The following SENP7 variants were observed in gnomAD, a reference collection of about 807,000 sequenced individuals.
SENP7 encodes the protein sentrin-specific protease 7.
SENP7 carries 64 observed loss-of-function variants against 141.2 expected under a neutral mutation model. The observed-to-expected ratio is 0.45, with a 90% CI of 0.37 to 0.56. SENP7 has a LOEUF of 0.56. Among genes scored for constraint, SENP7 ranks in the 20% least tolerant of loss-of-function variants. The pLI is 0.00. For synonymous variants in SENP7, 382 were observed against 426.4 expected (o/e 0.90, Z 1.28); for missense variants, 1,025 against 1,212.2 (o/e 0.85, Z 2.29).
At chr3:101,502,075 T>C (rs2065404146) in intron 1 of SENP7, among the ~76,000 whole-genome samples, 1 of 152,150 alleles carries the variant, frequency 6.6e-6, no homozygotes, top group Non-Finnish European at 1.5e-5. Context: ...AGGCAAAGAT[T>C]TTTCAAAGAG....
intron 3 of SENP7, among the ~76,000 whole-genome samples, chr3:101,492,202 G>T (rs1448776396): frequency 6.6e-6 from 1 of 151,988 alleles, no homozygotes; most frequent in Non-Finnish European, 1.5e-5. Flanking sequence ...GCAAAACTTT[G>T]TCTCTGCAAA....
intron 22 of SENP7, among the ~76,000 whole-genome samples, chr3:101,328,207 T>C (rs1197879172): frequency 1.3e-5 from 2 of 152,164 alleles, no homozygotes; most frequent in Admixed American, 6.6e-5. Context: ...GTACTTTTGA[T>C]AATCAATGCA....
At chr3:101,502,197 G>A (rs939844316) in intron 1 of SENP7, among the ~76,000 whole-genome samples, 19 of 152,332 alleles carry the variant, frequency 1.2e-4, no homozygotes, top group African/African-American at 4.6e-4. Flanking sequence ...GTGTTCACAC[G>A]CATCTGTGAG....
At chr3:101,411,070 T>G (rs2107629572) in intron 5 of SENP7, among the ~76,000 whole-genome samples, 1 of 152,190 alleles carries the variant, frequency 6.6e-6, no homozygotes, top group African/African-American at 2.4e-5. Flanking sequence ...CTATAAATCC[T>G]TGGGCAAGTT....
intron 20 of SENP7, among the ~76,000 whole-genome samples, chr3:101,329,491 A>C (rs76549232): frequency 0.014 from 2,072 of 152,278 alleles, 48 homozygotes; most frequent in African/African-American, 0.047. Flanking sequence ...CATATAAAAA[A>C]AAAAAATCAT....
intron 11 of SENP7, chr3:101,357,363 AC>A (rs2059773024): frequency 1.4e-6 from 1 of 690,730 alleles, no homozygotes; most frequent in South Asian, 1.5e-5. Context: ...AACTACAGAA[AC>A]CTGTTCTTCC....
At chr3:101,417,449 G>A (rs1390179538) in intron 5 of SENP7, 144 bp downstream of exon 5, 2 of 632,182 alleles carry the variant, frequency 3.2e-6, no homozygotes, top group Non-Finnish European at 5.6e-6. Context: ...AAGATAGGCA[G>A]CTTTAAGATT....
chr3:101,393,530 C>G (rs2060876586), intron 6 of SENP7, among the ~76,000 whole-genome samples: 1 of 152,056 alleles, frequency 6.6e-6, no homozygotes, highest in Admixed American at 6.5e-5. Context: ...AAATGGGTAA[C>G]AGAATGAATA....
At chr3:101,361,050 C>T (rs879875717) in intron 11 of SENP7, among the ~76,000 whole-genome samples, 2 of 151,878 alleles carry the variant, frequency 1.3e-5, no homozygotes. Context: ...CCAAAAAATA[C>T]AAAAATTAGC....
intron 15 of SENP7, among the ~76,000 whole-genome samples, chr3:101,341,430 TTA>T (rs2059323415): frequency 6.6e-6 from 1 of 152,206 alleles, no homozygotes; most frequent in Non-Finnish European, 1.5e-5. Context: ...TGTCTGCCAT[TTA>T]TGTCTTACTG....
intron 11 of SENP7, chr3:101,359,130 G>A (rs983687404): frequency 6.6e-6 from 1 of 152,040 alleles, no homozygotes; most frequent in Non-Finnish European, 1.5e-5. Context: ...CTTGATTGTA[G>A]GTAAGATAAT....
chr3:101,492,092 C>CA lies in SENP7; in HGVS notation c.186+1780dup, dbSNP rs796578685. Among the ~76,000 whole-genome samples, 1,096 of 130,684 alleles carry CA rather than the reference C, an allele frequency of 8.4e-3. 8 individuals are homozygous for CA. The highest frequency in any genetic ancestry group is 0.027 in the African/African-American group (980 of 35,648). The allele number at this position is 130,684 out of a possible 152,430, so 85.7% of individuals were successfully genotyped here. A position where few individuals can be genotyped will look rare whatever the true frequency, so the allele number is the denominator to read the frequency against. ...GGGCAACAAGAGCAAAACGCCATCT[C>CA]AAAAAAAAAAAAATGGTTAATAGAG... On this transcript the variant is annotated intron_variant, in intron 3 of 23. Coordinates refer to ENST00000394095, the MANE Select transcript of SENP7 (RefSeq NM_020654.5).
chr3:101,427,254 C>T (rs1359441951), intron 4 of SENP7, among the ~76,000 whole-genome samples: 2 of 151,890 alleles, frequency 1.3e-5, no homozygotes, highest in Non-Finnish European at 2.9e-5. Flanking sequence ...TTGGGGAGAC[C>T]GAGGCAAGAG....
At chr3:101,453,571 A>G (rs1390732305) in intron 4 of SENP7, among the ~76,000 whole-genome samples, 1 of 152,198 alleles carries the variant, frequency 6.6e-6, no homozygotes, top group African/African-American at 2.4e-5. Context: ...TTGTAGGGAC[A>G]TGGATGAAGC....
At chr3:101,326,248 T>C (rs2058896205) in intron 23 of SENP7, among the ~76,000 whole-genome samples, 168 bp from the exon 24 acceptor site, 1 of 152,092 alleles carries the variant, frequency 6.6e-6, no homozygotes, top group African/African-American at 2.4e-5. Context: ...TTAAGCATTT[T>C]TAGTATATTC....
chr3:101,409,515 C>T (rs1442893161), intron 5 of SENP7, among the ~76,000 whole-genome samples: 1 of 152,114 alleles, frequency 6.6e-6, no homozygotes, highest in Non-Finnish European at 1.5e-5. Flanking sequence ...AATCTACAGG[C>T]ATCACATTAC....
intron 5 of SENP7, 33 bp from the exon 6 acceptor site, chr3:101,399,088 C>CCTG: frequency 7.4e-7 from 1 of 1,352,726 alleles, no homozygotes; most frequent in Non-Finnish European, 9.8e-7. Context: ...CTGTACTGTA[C>CCTG]TGAAGTTTTC....
intron 6 of SENP7, among the ~76,000 whole-genome samples, chr3:101,375,573 C>G (rs1467517172): frequency 7.4e-6 from 1 of 135,988 alleles, no homozygotes; most frequent in African/African-American, 2.7e-5. Context: ...AAAAAAGAAG[C>G]TAAACACATA....
chr3:101,388,057 A>G (rs1052943857), intron 6 of SENP7, among the ~76,000 whole-genome samples: 3 of 152,148 alleles, frequency 2.0e-5, no homozygotes, highest in Non-Finnish European at 4.4e-5. Context: ...CCACTTGTGC[A>G]GTGCTTAAGG....
Sources: gnomAD v4.1 joint callset for allele counts (sites outside exome capture counted in the v4.1 genomes callset) on GRCh38, gnomAD v4.1.1 for gene constraint, MANE v1.5 for transcripts, NCBI Gene and HGNC (gene_info 2026-07-23, HGNC 2026-07-21) for gene names.